The following DIP2C variants were observed in gnomAD, a reference collection of about 807,000 sequenced individuals.
The protein encoded by DIP2C is disco-interacting protein 2 homolog C.
Under a neutral mutation model 192.4 loss-of-function variants are expected in DIP2C, and 33 were observed. The observed-to-expected ratio is 0.17, with a 90% CI of 0.13 to 0.23. The LOEUF (loss-of-function observed/expected upper bound fraction) is 0.23. Ranked by LOEUF, DIP2C falls within the 10% of genes least tolerant of loss-of-function variation. The pLI is 1.00. For synonymous variants in DIP2C, 979 were observed against 864.1 expected, an observed-to-expected ratio of 1.13 and a Z score of -2.33; for missense variants, 1,537 against 2,110.1, an observed-to-expected ratio of 0.73 and a Z score of 5.32.
At chr10:594,721 C>T (rs1236309168) in intron 1 of DIP2C, among the ~76,000 whole-genome samples, 2 of 152,176 alleles carry the variant, frequency 1.3e-5, no homozygotes, top group African/African-American at 4.8e-5. Flanking sequence ...GTCTCGTCGG[C>T]CCCCTCAGAG....
chr10:398,999 G>C (rs758366010), intron 10 of DIP2C, 110 bp downstream of exon 10: 3 of 928,794 alleles, frequency 3.2e-6, no homozygotes, highest in Non-Finnish European at 1.7e-6. Flanking sequence ...GGCAACCGAA[G>C]GAAACCCAGG....
intron 9 of DIP2C, among the ~76,000 whole-genome samples, chr10:408,036 A>C (rs1964930445): frequency 1.3e-5 from 2 of 152,024 alleles, no homozygotes; most frequent in Admixed American, 1.3e-4. Flanking sequence ...ATTTTCTTCT[A>C]AGGCATTTTC....
chr10:341,114 T>C lies in DIP2C; in HGVS notation c.3584+85A>G, dbSNP rs1440578473. Reference sequence around the variant, plus strand: ...GGCAGGAGTGGGGGTGTGGGGGCAGTGCTTAGGTTGCCTGGCTGGGTCTAA... The same window carrying C: ...GGCAGGAGTGGGGGTGTGGGGGCAGCGCTTAGGTTGCCTGGCTGGGTCTAA... On this transcript the variant is annotated intron_variant, in intron 29 of 36. Coordinates refer to ENST00000280886, the MANE Select transcript of DIP2C (RefSeq NM_014974.3). 4.4e-6 allele frequency: 7 copies of C among 1,588,834 alleles called. No individual in the cohort carries two copies. The African/African-American group carries it at 8.1e-5, about 18-fold the overall frequency.
At chr10:420,971 C>G (rs1391340931) in intron 5 of DIP2C, among the ~76,000 whole-genome samples, 1 of 152,200 alleles carries the variant, frequency 6.6e-6, no homozygotes, top group African/African-American at 2.4e-5. Flanking sequence ...ACGCTACTTT[C>G]CTGTTTGTAG....
At chr10:425,274 C>T (rs112035170) in intron 4 of DIP2C, among the ~76,000 whole-genome samples, 27 of 75,366 alleles carry the variant, frequency 3.6e-4, no homozygotes, top group Middle Eastern at 6.3e-3. Flanking sequence ...GCATGACCAG[C>T]GGTGACTAAT....
chr10:463,772 A>G (rs192345843), intron 3 of DIP2C, among the ~76,000 whole-genome samples: 224 of 152,346 alleles, frequency 1.5e-3, no homozygotes, highest in Non-Finnish European at 2.4e-3. Flanking sequence ...CCAAAACAGC[A>G]TGGTACTGGT....
chr10:469,390 C>G (rs1434989688), intron 3 of DIP2C, among the ~76,000 whole-genome samples: 1 of 148,470 alleles, frequency 6.7e-6, no homozygotes, highest in Non-Finnish European at 1.5e-5. Flanking sequence ...GATCTCAGGT[C>G]ACGGCAACCT....
At chr10:422,157 T>C (rs1272340447) in intron 5 of DIP2C, among the ~76,000 whole-genome samples, 1 of 152,224 alleles carries the variant, frequency 6.6e-6, no homozygotes, top group Non-Finnish European at 1.5e-5. Flanking sequence ...ACTGCTTTAA[T>C]GGAGACACAC....
At chr10:560,729 C>CG (rs1275947325) in intron 1 of DIP2C, among the ~76,000 whole-genome samples, 1 of 152,210 alleles carries the variant, frequency 6.6e-6, no homozygotes, top group Non-Finnish European at 1.5e-5. Context: ...TCTAGGCCCC[C>CG]CTGGCCATCT....
chr10:585,179 C>T (rs756880605), intron 1 of DIP2C, among the ~76,000 whole-genome samples: 6 of 152,212 alleles, frequency 3.9e-5, no homozygotes, highest in East Asian at 1.9e-4. Context: ...TCTATGAGCC[C>T]GGAGAACACC....
intron 30 of DIP2C, among the ~76,000 whole-genome samples, chr10:328,375 T>C (rs549461583): frequency 1.9e-3 from 293 of 152,350 alleles, no homozygotes; most frequent in South Asian, 2.9e-3. Context: ...TTAATTTCTC[T>C]ATGACATAAG....
At chr10:389,629 C>T (rs915087586) in intron 13 of DIP2C, among the ~76,000 whole-genome samples, 2 of 152,184 alleles carry the variant, frequency 1.3e-5, no homozygotes, top group Admixed American at 6.5e-5. Context: ...GTGTGGAGAG[C>T]GCACCTTTCA....
intron 22 of DIP2C, among the ~76,000 whole-genome samples, chr10:361,959 CTG>C (rs1009822976): frequency 2.0e-5 from 3 of 151,814 alleles, no homozygotes; most frequent in South Asian, 2.1e-4. Flanking sequence ...GGGGGGAAAA[CTG>C]TGCCAATCAA....
At chr10:662,901 T>A (rs1856846966) in intron 1 of DIP2C, 1 of 717,418 alleles carries the variant, frequency 1.4e-6, no homozygotes, top group African/African-American at 1.7e-5. Flanking sequence ...GGAAGAGGCG[T>A]GAACACTCTC....
Position 565,829 on chromosome 10 carries a change from G to C in DIP2C, c.86-79299C>G, listed in dbSNP as rs182320920. Among the ~76,000 whole-genome samples, 21 of 152,358 alleles carry C rather than the reference G, an allele frequency of 1.4e-4. No homozygotes were observed. The East Asian group carries it at 3.3e-3, about 24-fold the overall frequency. Reference sequence around the variant, plus strand: ...AGGCTGGCGCCCTTCTCCGAGGTATGTAACAGCCTAATAACTGAGTCCAAG... The same window carrying C: ...AGGCTGGCGCCCTTCTCCGAGGTATCTAACAGCCTAATAACTGAGTCCAAG... On this transcript the variant is annotated intron_variant, in intron 1 of 36. Transcript: ENST00000280886.
At chr10:598,949 A>G (rs1167131851) in intron 1 of DIP2C, among the ~76,000 whole-genome samples, 1 of 152,260 alleles carries the variant, frequency 6.6e-6, no homozygotes, top group African/African-American at 2.4e-5. Context: ...CATCCTTCCA[A>G]CAACGACTTT....
chr10:567,789 C>T (rs1169886705), intron 1 of DIP2C, among the ~76,000 whole-genome samples: 1 of 152,068 alleles, frequency 6.6e-6, no homozygotes, highest in Non-Finnish European at 1.5e-5. Flanking sequence ...AGGTGTACAC[C>T]ACCTCACCCT....
At chr10:383,044 C>A (rs546193377) in intron 16 of DIP2C, among the ~76,000 whole-genome samples, 7 of 152,280 alleles carry the variant, frequency 4.6e-5, no homozygotes, top group African/African-American at 1.7e-4. Flanking sequence ...ATTTTCAGTA[C>A]AGAAGTTCCA....
At position 451,320 on chromosome 10, in the gene DIP2C, G is replaced by A. The variant is rs572334008; in HGVS notation, c.269-10324C>T. Among the ~76,000 whole-genome samples, 4 of 152,308 alleles carry A rather than the reference G, an allele frequency of 2.6e-5. No homozygotes were observed. In the East Asian group the frequency reaches 5.8e-4, roughly 22 times the overall value. ...TCAACACTTTGTCTACTTGGAAAGA[G>A]GACGTGGGACTGGGATTTACTCGGC... On this transcript the variant is annotated intron_variant, in intron 3 of 36. Coordinates refer to ENST00000280886, the MANE Select transcript of DIP2C (RefSeq NM_014974.3).
Sources: allele counts gnomAD v4.1 joint callset (sites outside exome capture counted in the v4.1 genomes callset), GRCh38; gene constraint gnomAD v4.1.1; transcripts MANE v1.5; gene names NCBI Gene and HGNC (gene_info 2026-07-23, HGNC 2026-07-21).